The following PREX2 variants were observed in gnomAD, a reference collection of about 807,000 sequenced individuals.
PREX2 encodes phosphatidylinositol 3,4,5-trisphosphate-dependent Rac exchanger 2 protein.
In PREX2, 107 loss-of-function variants were observed where a neutral mutation model predicts 203.2. The observed-to-expected ratio is 0.53, with a 90% confidence interval of 0.45 to 0.62. The LOEUF is 0.62. Among genes scored for constraint, PREX2 ranks in the 20% least tolerant of loss-of-function variants. The pLI is 0.00. For synonymous variants in PREX2, 672 were observed against 663.6 expected, an observed-to-expected ratio of 1.01 and a Z score of -0.19; for missense variants, 1,777 against 1,955.9, an observed-to-expected ratio of 0.91 and a Z score of 1.72.
intron 9 of PREX2, among the ~76,000 whole-genome samples, chr8:68,055,458 T>C (rs1808648378): frequency 1.0e-5 from 1 of 97,294 alleles, no homozygotes; most frequent in Admixed American, 8.8e-5. Flanking sequence ...TTATATTGCA[T>C]TATTTTTTTT....
At chr8:68,119,067 G>T (rs1392620216) in intron 27 of PREX2, among the ~76,000 whole-genome samples, 1 of 152,128 alleles carries the variant, frequency 6.6e-6, no homozygotes, top group Non-Finnish European at 1.5e-5. Context: ...GAAACAGATT[G>T]ATATAATTAT....
intron 1 of PREX2, among the ~76,000 whole-genome samples, chr8:68,009,301 G>T (rs940081641): frequency 2.6e-5 from 4 of 152,318 alleles, no homozygotes; most frequent in Admixed American, 2.6e-4. Context: ...AGAAAAATAT[G>T]TGCTTGAGAA....
At chr8:68,192,993 G>A (rs1812327432) in intron 37 of PREX2, among the ~76,000 whole-genome samples, 1 of 152,140 alleles carries the variant, frequency 6.6e-6, no homozygotes, top group Non-Finnish European at 1.5e-5. Flanking sequence ...TGGTCCAGGA[G>A]CTCACACAAT....
chr8:68,154,861 T>C (rs1214659828), intron 34 of PREX2, among the ~76,000 whole-genome samples: 1 of 152,176 alleles, frequency 6.6e-6, no homozygotes, highest in African/African-American at 2.4e-5. Flanking sequence ...GATACTTATA[T>C]ACCCTTCTTC....
intron 18 of PREX2, among the ~76,000 whole-genome samples, chr8:68,086,974 A>G (rs1346754197): frequency 2.0e-5 from 3 of 152,164 alleles, no homozygotes; most frequent in Non-Finnish European, 4.4e-5. Context: ...TATTTCTGTT[A>G]CATTAATTTT....
chr8:68,163,331 T>C (rs1328578838), intron 35 of PREX2, among the ~76,000 whole-genome samples: 1 of 152,212 alleles, frequency 6.6e-6, no homozygotes, highest in Non-Finnish European at 1.5e-5. Context: ...CTGAAGCCCT[T>C]ACTGAATTTT....
At chr8:68,025,896 G>C (rs1030875484) in intron 4 of PREX2, among the ~76,000 whole-genome samples, 1 of 152,082 alleles carries the variant, frequency 6.6e-6, no homozygotes, top group African/African-American at 2.4e-5. Context: ...ATAAAAGTGG[G>C]CTAGACAGCC....
In PREX2 at chr8:68,176,503, A is replaced by G. The variant is rs142566027; in HGVS notation, c.4347-15219A>G. Among the ~76,000 whole-genome samples, 80 of 152,276 alleles carry G rather than the reference A, an allele frequency of 5.3e-4. No individual in the cohort carries two copies. The East Asian group carries it at 0.014, about 26-fold the overall frequency. ...GATTCCAATCCCCACCCTTCCATTG[A>G]CTAGCTTGAAAATATTAAGAAATTG... On this transcript the variant is annotated intron_variant, in intron 35 of 39. Coordinates refer to ENST00000288368, the MANE Select transcript of PREX2 (RefSeq NM_024870.4).
chr8:68,066,369 C>A (rs1809016063), intron 11 of PREX2, among the ~76,000 whole-genome samples: 1 of 152,108 alleles, frequency 6.6e-6, no homozygotes, highest in Non-Finnish European at 1.5e-5. Context: ...CTTTTCTCCA[C>A]ATCCTCACCA....
chr8:67,973,799 T>C (rs745959119), intron 1 of PREX2, among the ~76,000 whole-genome samples: 21 of 152,196 alleles, frequency 1.4e-4, no homozygotes, highest in Non-Finnish European at 2.4e-4. Flanking sequence ...TCAGACATTT[T>C]ACAGCTGGGA....
At position 68,096,157 on chromosome 8, in the gene PREX2, G is replaced by T. The variant is rs189319978; in HGVS notation, c.2369-860G>T. On this transcript the variant is annotated intron_variant, in intron 21 of 39. Coordinates refer to ENST00000288368, the MANE Select transcript of PREX2 (RefSeq NM_024870.4). ...ACAAATCTCAGGACCTTATTCTGAG[G>T]TTTGTATTCCTAATTTGGAATAAAT... Among the ~76,000 whole-genome samples, 27 of 152,218 alleles carry T rather than the reference G, an allele frequency of 1.8e-4. 1 individual carries two copies. The highest frequency in any genetic ancestry group is 6.5e-4 in the African/African-American group (27 of 41,530).
chr8:68,235,679 G>A lies in PREX2; in HGVS notation c.*4301G>A, dbSNP rs1813252773. The A allele has an allele frequency of 6.6e-6, 1 of 152,112 alleles. No homozygotes were observed. The highest frequency in any genetic ancestry group is 2.4e-5 in the African/African-American group (1 of 41,428). The allele number at this position is 152,112 out of a possible 1,614,324, so 9.4% of individuals were successfully genotyped here. ...GGGTCTGTACCAAAAATGGCCCCAG[G>A]ATATTCCATTGAACAAATATTGACC... On this transcript the variant is annotated 3_prime_UTR_variant, in exon 40 of 40. Transcript: ENST00000288368.
intron 10 of PREX2, among the ~76,000 whole-genome samples, chr8:68,057,454 G>A (rs6472374): frequency 0.096 from 14,673 of 152,106 alleles, 772 homozygotes; most frequent in Middle Eastern, 0.12. Flanking sequence ...AAATCTATAG[G>A]CCAGGAAACC....
intron 35 of PREX2, among the ~76,000 whole-genome samples, chr8:68,180,444 C>T (rs1416757221): frequency 1.3e-5 from 2 of 151,988 alleles, no homozygotes; most frequent in Non-Finnish European, 2.9e-5. Context: ...TGTTTATGAA[C>T]AAATAAGTGA....
At position 68,120,907 on chromosome 8, in the gene PREX2, C is replaced by T; in HGVS notation, c.3596-14C>T. On this transcript the variant is annotated splice_polypyrimidine_tract_variant and intron_variant, in intron 29 of 39. Transcript: ENST00000288368. ...TTATTTGAGACTTAAGAGAGATTTT[C>T]TGTGTTTATTTAGAATTTCAACAGG... 1 of 1,608,686 alleles carries T rather than the reference C, an allele frequency of 6.2e-7. No individual in the cohort carries two copies. The highest frequency in any genetic ancestry group is 8.5e-7 in the Non-Finnish European group (1 of 1,177,760).
chr8:68,114,483 C>G (rs1810602169), intron 25 of PREX2, among the ~76,000 whole-genome samples: 2 of 152,138 alleles, frequency 1.3e-5, no homozygotes, highest in Admixed American at 1.3e-4. Flanking sequence ...ATTCATTTTG[C>G]AAGTTTTTTA....
chr8:67,986,272 A>G (rs1421677813), intron 1 of PREX2, among the ~76,000 whole-genome samples: 3 of 152,200 alleles, frequency 2.0e-5, no homozygotes, highest in Admixed American at 6.5e-5. Flanking sequence ...TAGATGGGGA[A>G]CTCAGGTACA....
chr8:68,035,220 T>G (rs1354938223), intron 6 of PREX2, among the ~76,000 whole-genome samples: 3 of 152,132 alleles, frequency 2.0e-5, no homozygotes, highest in Non-Finnish European at 4.4e-5. Context: ...TTTCATAGTA[T>G]TTTTTAAAGA....
rs191745298 is a variant in PREX2, at chr8:67,963,680, A to G, written c.141+11145A>G. 3.5e-3 allele frequency among the ~76,000 whole-genome samples: 534 copies of G among 151,190 alleles called. 1 individual carries two copies. Among genetic ancestry groups the G allele is most frequent in the Non-Finnish European group, 6.0e-3 (405 of 67,802 alleles). ...AGAAAAAGAATAGTATTTTTTTTTT[A>G]CCTGTACTTAACATATTCTTTTTTT... is the stretch of plus-strand genomic sequence containing the variant. On this transcript the variant is annotated intron_variant, in intron 1 of 39. Transcript: ENST00000288368.
Sources: allele counts gnomAD v4.1 joint callset (sites outside exome capture counted in the v4.1 genomes callset), GRCh38; gene constraint gnomAD v4.1.1; transcripts MANE v1.5; gene names NCBI Gene and HGNC (gene_info 2026-07-23, HGNC 2026-07-21).